Variants in ERO1A observed in about 807,000 individuals in gnomAD.
ERO1A encodes the protein endoplasmic reticulum oxidoreductase 1 alpha, also known as ERO1-like protein alpha.
ERO1A carries 49 observed loss-of-function variants against 76.9 expected under a neutral mutation model. The observed-to-expected ratio is 0.64, with a 90% CI of 0.51 to 0.81. ERO1A has a LOEUF of 0.81. Among genes scored for constraint, ERO1A ranks in the 30% least tolerant of loss-of-function variants. The pLI is 0.00. For synonymous variants in ERO1A, 174 were observed against 181.2 expected (o/e 0.96, Z 0.32); for missense variants, 448 against 542.1 (o/e 0.83, Z 1.72).
intron 6 of ERO1A, among the ~76,000 whole-genome samples, chr14:52,668,805 T>C (rs930186341): frequency 2.0e-5 from 3 of 148,544 alleles, no homozygotes; most frequent in Non-Finnish European, 3.0e-5. Flanking sequence ...TATACAATTA[T>C]ATTTGAAGTA....
At position 52,658,221 on chromosome 14, in the gene ERO1A, A is replaced by G. The variant is rs995471510; in HGVS notation, c.689-71T>C. 235 of 1,060,522 alleles carry G rather than the reference A, an allele frequency of 2.2e-4. 1 individual carries two copies. The African/African-American group carries it at 3.5e-3, about 16-fold the overall frequency. The allele number at this position is 1,060,522 out of a possible 1,614,324, so 65.7% of individuals were successfully genotyped here. ...AATACAAGTTTTTCAAAAGTTTTAA[A>G]GCATTATAGCAAATTTGTGCCAAAC... is the stretch of plus-strand genomic sequence containing the variant. On this transcript the variant is annotated intron_variant, in intron 9 of 15. Transcript: ENST00000395686.
chr14:52,692,652 G>A (rs530359201), intron 1 of ERO1A, among the ~76,000 whole-genome samples: 5 of 152,084 alleles, frequency 3.3e-5, no homozygotes, highest in Admixed American at 6.5e-5. Context: ...TGCCTCCCAC[G>A]AATCCCCAAT....
intron 13 of ERO1A, among the ~76,000 whole-genome samples, chr14:52,649,993 G>A (rs2039801319): frequency 6.6e-6 from 1 of 152,144 alleles, no homozygotes; most frequent in African/African-American, 2.4e-5. Context: ...AAGACAGGCA[G>A]ATTGCTTGAG....
chr14:52,693,474 G>A (rs1371085105), intron 1 of ERO1A, among the ~76,000 whole-genome samples: 1 of 152,092 alleles, frequency 6.6e-6, no homozygotes, highest in East Asian at 1.9e-4. Context: ...TTGTGATCAT[G>A]TGAATTAATA....
intron 1 of ERO1A, among the ~76,000 whole-genome samples, chr14:52,689,881 T>C (rs1277730509): frequency 2.0e-5 from 3 of 152,206 alleles, no homozygotes; most frequent in South Asian, 2.1e-4. Context: ...TTTCAAATTA[T>C]ATTACAAAGC....
Position 52,695,464 on chromosome 14 carries a change from T to C in ERO1A, c.18A>G (p.Gly6=). The change falls in exon 1 of 16, where the codon GGA becomes GGG. Residue 6 remains glycine, a synonymous_variant. Coordinates refer to ENST00000395686, the MANE Select transcript of ERO1A (RefSeq NM_014584.3). MGRGW[G]FLFGLLGAVW... ...CGGCGCCCAGGAGGCCAAACAAGAA[T>C]CCCCAGCCGCGGCCCATTGCAGCTC... The C allele has an allele frequency of 6.5e-7, 1 of 1,530,762 alleles. No individual in the cohort carries two copies. The highest frequency in any genetic ancestry group is 1.2e-5 in the South Asian group (1 of 81,742). 94.8% of individuals were successfully genotyped at this position (1,530,762 alleles called of 1,614,324 possible).
At chr14:52,664,349 A>G (rs1038260730) in intron 7 of ERO1A, 1 of 152,332 alleles carries the variant, frequency 6.6e-6, no homozygotes, top group East Asian at 1.9e-4. Flanking sequence ...AATTTAAATA[A>G]AAGTTGTTTG....
chr14:52,675,934 C>G (rs760050850), intron 4 of ERO1A, among the ~76,000 whole-genome samples: 1 of 152,242 alleles, frequency 6.6e-6, no homozygotes, highest in Non-Finnish European at 1.5e-5. Flanking sequence ...ATCCTCCCAC[C>G]TCACCCTCCC....
intron 6 of ERO1A, among the ~76,000 whole-genome samples, chr14:52,669,520 A>G (rs1458238286): frequency 6.6e-6 from 1 of 152,154 alleles, no homozygotes; most frequent in East Asian, 1.9e-4. Flanking sequence ...CTCATCCAAC[A>G]TGCCTGGGAC....
At chr14:52,693,837 CAGAT>C (rs1430862695) in intron 1 of ERO1A, among the ~76,000 whole-genome samples, 4 of 152,008 alleles carry the variant, frequency 2.6e-5, no homozygotes, top group East Asian at 3.9e-4. Flanking sequence ...AAAAGAAACA[CAGAT>C]AGCCACTCTC....
At position 52,659,799 on chromosome 14, in the gene ERO1A, T is replaced by TTG. The variant is rs140211207; in HGVS notation, c.688+1492_688+1493dup. ...TCCAGTGAAATTTTCAGTTCAGTGT[T>TTG]TGTGTGTGTGTGTGTGTGTCTGTGT... On this transcript the variant is annotated intron_variant, in intron 9 of 15. Coordinates refer to ENST00000395686, the MANE Select transcript of ERO1A (RefSeq NM_014584.3). Among the ~76,000 whole-genome samples the TTG allele has an allele frequency of 6.5e-4, 97 of 148,906 alleles. No homozygotes were observed. The Middle Eastern group carries it at 0.01, about 16-fold the overall frequency.
chr14:52,684,264 G>T (rs984571097), intron 1 of ERO1A, among the ~76,000 whole-genome samples: 3 of 152,058 alleles, frequency 2.0e-5, no homozygotes, highest in Non-Finnish European at 4.4e-5. Flanking sequence ...CCCTCTCCAG[G>T]ATCCTAGAAT....
At chr14:52,693,125 TTTATTA>T (rs946376947) in intron 1 of ERO1A, among the ~76,000 whole-genome samples, 2 of 151,722 alleles carry the variant, frequency 1.3e-5, no homozygotes, top group South Asian at 4.2e-4. Context: ...AATTTACTTT[TTTATTA>T]TTATTATTAT....
At chr14:52,695,331 C>T (rs78058068) in intron 1 of ERO1A, 37 bp downstream of exon 1, 50,026 of 1,327,316 alleles carry the variant, frequency 0.038, 1,161 homozygotes, top group Non-Finnish European at 0.045. Context: ...CCGCGGAGGG[C>T]GCCGGGACCC....
At chr14:52,669,947 G>C (rs1252315303) in intron 6 of ERO1A, among the ~76,000 whole-genome samples, 1 of 152,118 alleles carries the variant, frequency 6.6e-6, no homozygotes, top group African/African-American at 2.4e-5. Context: ...TTTTGAGAAA[G>C]GGTCTCACTC....
intron 1 of ERO1A, among the ~76,000 whole-genome samples, chr14:52,688,872 G>T (rs182624497): frequency 8.8e-4 from 134 of 152,228 alleles, no homozygotes; most frequent in Non-Finnish European, 1.5e-3. Context: ...ACTTTCTAAA[G>T]TTTTCTTGTA....
At chr14:52,666,333 C>A in intron 7 of ERO1A, 42 bp downstream of exon 7, 1 of 1,408,144 alleles carries the variant, frequency 7.1e-7, no homozygotes, top group Non-Finnish European at 9.8e-7. Flanking sequence ...AGAGAAATCA[C>A]CACATCTTAT....
In ERO1A at chr14:52,695,551, C is replaced by G; in HGVS notation, c.-70G>C. On this transcript the variant is annotated 5_prime_UTR_variant, in exon 1 of 16. Coordinates refer to ENST00000395686, the MANE Select transcript of ERO1A (RefSeq NM_014584.3). ...GCACGCTCGGTCGCGGGCCGTGCGCCCTCAGATGAAGCCCGTGCGGGCCGG... is the reference window on the plus strand; with the variant it reads ...GCACGCTCGGTCGCGGGCCGTGCGCGCTCAGATGAAGCCCGTGCGGGCCGG... 8.5e-7 allele frequency: 1 copy of G among 1,176,196 alleles called. No homozygotes were observed. Among genetic ancestry groups the G allele is most frequent in the Non-Finnish European group, 1.1e-6 (1 of 880,918 alleles). 72.9% of individuals were successfully genotyped at this position (1,176,196 alleles called of 1,614,324 possible). A position where few individuals can be genotyped will look rare whatever the true frequency, so the allele number is the denominator to read the frequency against.
rs1594837392 is a variant in ERO1A at position 52,689,812 on chromosome 14, G to C, written c.114+5556C>G. ...GTAAAATTTGGATGGAACAGCAAAA[G>C]ACCCCAAGTAGCTACAGCAATTTTG... On this transcript the variant is annotated intron_variant, in intron 1 of 15. Coordinates refer to ENST00000395686, the MANE Select transcript of ERO1A (RefSeq NM_014584.3). Among the ~76,000 whole-genome samples, 3 of 152,070 alleles carry C rather than the reference G, an allele frequency of 2.0e-5. 1 individual carries two copies. The East Asian group carries it at 5.8e-4, about 29-fold the overall frequency.
Sources: allele counts gnomAD v4.1 joint callset (sites outside exome capture counted in the v4.1 genomes callset), GRCh38; gene constraint gnomAD v4.1.1; transcripts MANE v1.5; gene names NCBI Gene and HGNC (gene_info 2026-07-23, HGNC 2026-07-21).